CUBN: variants seen among roughly 807,000 people sequenced by gnomAD.
The protein encoded by CUBN is cubilin, also known as 460 kDa receptor.
Under a neutral mutation model 405.3 loss-of-function variants are expected in CUBN, and 282 were observed. The observed-to-expected ratio is 0.70, with a 90% CI of 0.63 to 0.77. The LOEUF (loss-of-function observed/expected upper bound fraction) is 0.77. CUBN is among the 30% of genes least tolerant of loss of function. The pLI is 0.00. For missense variants in CUBN, 4,514 were observed against 4,475.2 expected (o/e 1.01, Z -0.25); for synonymous variants, 1,684 against 1,617.0 (o/e 1.04, Z -0.99).
intron 48 of CUBN, among the ~76,000 whole-genome samples, chr10:16,909,173 C>T (rs1841650894): frequency 6.6e-6 from 1 of 152,160 alleles, no homozygotes; most frequent in Non-Finnish European, 1.5e-5. Flanking sequence ...GCGTGAGCCA[C>T]CGCGCCCGGC....
At chr10:16,884,183 C>T (rs569683365) in intron 56 of CUBN, among the ~76,000 whole-genome samples, 31 of 152,218 alleles carry the variant, frequency 2.0e-4, no homozygotes, top group African/African-American at 6.7e-4. Flanking sequence ...AAGGTTTCAC[C>T]GTGTTAGCCA....
At chr10:16,887,740 A>G (rs947375540) in intron 56 of CUBN, among the ~76,000 whole-genome samples, 1 of 152,228 alleles carries the variant, frequency 6.6e-6, no homozygotes, top group African/African-American at 2.4e-5. Flanking sequence ...TCCAAAGGAA[A>G]TCAAATCAGC....
At chr10:16,971,729 T>C (rs568429767) in intron 31 of CUBN, among the ~76,000 whole-genome samples, 36 of 152,252 alleles carry the variant, frequency 2.4e-4, no homozygotes, top group African/African-American at 7.5e-4. Context: ...AACATGATTT[T>C]CTCTACTGTT....
chr10:17,107,746 C>A (rs764405451), intron 10 of CUBN, among the ~76,000 whole-genome samples: 21 of 152,120 alleles, frequency 1.4e-4, no homozygotes, highest in Admixed American at 2.6e-4. Flanking sequence ...ATCCACCTGC[C>A]TCGACCTCCC....
chr10:17,123,324 A>T, intron 5 of CUBN: 1 of 536,054 alleles, frequency 1.9e-6, no homozygotes, highest in Non-Finnish European at 3.4e-6. Flanking sequence ...AACAATTTAA[A>T]TTAATGTTAA....
intron 44 of CUBN, among the ~76,000 whole-genome samples, chr10:16,919,550 C>T (rs908224950): frequency 1.3e-5 from 2 of 152,138 alleles, no homozygotes; most frequent in African/African-American, 2.4e-5. Flanking sequence ...AGTACTGTTC[C>T]GACAGTGCTG....
At chr10:17,088,023 A>G (rs1836162893) in intron 15 of CUBN, 141 bp downstream of exon 15, 1 of 665,284 alleles carries the variant, frequency 1.5e-6, no homozygotes, top group South Asian at 1.8e-5. Context: ...GAGACTTTGC[A>G]AGAGTTAGAT....
intron 6 of CUBN, among the ~76,000 whole-genome samples, chr10:17,121,618 G>C (rs955454886): frequency 6.6e-6 from 1 of 151,616 alleles, no homozygotes; most frequent in African/African-American, 2.4e-5. Flanking sequence ...AATGGATGCA[G>C]CACACCAACA....
At chr10:17,075,979 C>A (rs562363538) in intron 17 of CUBN, among the ~76,000 whole-genome samples, 1 of 152,160 alleles carries the variant, frequency 6.6e-6, no homozygotes, top group East Asian at 1.9e-4. Context: ...TTCTTGAAAA[C>A]TAGAAAGCAT....
At chr10:17,089,059 T>C (rs1035908253) in intron 14 of CUBN, among the ~76,000 whole-genome samples, 3 of 152,216 alleles carry the variant, frequency 2.0e-5, no homozygotes, top group Admixed American at 6.5e-5. Flanking sequence ...GAAATGCTAC[T>C]GTAAATCAAA....
chr10:17,069,874 T>A (rs1835699447), intron 19 of CUBN, among the ~76,000 whole-genome samples: 1 of 152,200 alleles, frequency 6.6e-6, no homozygotes, highest in South Asian at 2.1e-4. Flanking sequence ...AAGTTATTCG[T>A]TTTTAATTTT....
In CUBN at chr10:16,877,088, G is replaced by T; in HGVS notation, c.8915C>A (p.Ala2972Asp). 4.3e-6 allele frequency: 7 copies of T among 1,613,488 alleles called. No homozygotes were observed. The highest frequency in any genetic ancestry group is 1.7e-5 in the Admixed American group (1 of 59,922). Reference sequence around the variant, plus strand: ...ATCGTTGACACAGCTTCCCGTCACAGCGGAACGAGCTGGAAAAGGCATGGA... The same window carrying T: ...ATCGTTGACACAGCTTCCCGTCACATCGGAACGAGCTGGAAAAGGCATGGA... ...FVSFHLEARSAVTGSCVNDGV... is the reference protein window; with the variant it reads ...FVSFHLEARSDVTGSCVNDGV... The change falls in exon 57 of 67, where the codon GCT (alanine) becomes GAT (aspartate). Residue 2972 changes from alanine (A) to aspartate (D), a missense_variant. Transcript: ENST00000377833.
At chr10:17,127,975 A>C (rs1837238974) in intron 2 of CUBN, 51 bp from the exon 3 acceptor site, 2 of 1,230,430 alleles carry the variant, frequency 1.6e-6, no homozygotes. Flanking sequence ...AAAATATCAT[A>C]TTTATCTTTA....
rs564588139 is a variant in CUBN, at chr10:16,858,910, T to C, written c.9455-7467A>G. 5.3e-5 allele frequency among the ~76,000 whole-genome samples: 8 copies of C among 152,320 alleles called. No individual in the cohort carries two copies. In the South Asian group the frequency reaches 1.7e-3, roughly 32 times the overall value. On this transcript the variant is annotated intron_variant, in intron 59 of 66. Transcript: ENST00000377833. ...TTTTCAACCAATGGTGCTAGAGCAA[T>C]TGGACATCCAGAGGCAAAAAACTGA...
At chr10:16,979,860 A>C (rs1252898799) in intron 31 of CUBN, among the ~76,000 whole-genome samples, 1 of 152,246 alleles carries the variant, frequency 6.6e-6, no homozygotes, top group East Asian at 1.9e-4. Flanking sequence ...ATTAAACTAA[A>C]GAGCTTCTTC....
At chr10:17,110,147 T>C (rs1215180580) in intron 9 of CUBN, among the ~76,000 whole-genome samples, 1 of 152,194 alleles carries the variant, frequency 6.6e-6, no homozygotes, top group Non-Finnish European at 1.5e-5. Context: ...CCTGAACTTC[T>C]TGGGTAGTAA....
At chr10:17,058,582 A>C (rs1477511920) in intron 22 of CUBN, among the ~76,000 whole-genome samples, 1 of 152,166 alleles carries the variant, frequency 6.6e-6, no homozygotes, top group Non-Finnish European at 1.5e-5. Flanking sequence ...TGGTAGTTTT[A>C]TGAGATTCAA....
chr10:16,874,591 AT>A (rs2131374739), intron 57 of CUBN, 88 bp from the exon 58 acceptor site: 2 of 1,507,998 alleles, frequency 1.3e-6, no homozygotes, highest in Non-Finnish European at 1.8e-6. Flanking sequence ...ACTATTGTAC[AT>A]TTTTCCCTAA....
Position 17,068,781 on chromosome 10 carries a change from A to G in CUBN, c.2626-11T>C, listed in dbSNP as rs2131845748. The G allele has an allele frequency of 6.3e-7, 1 of 1,599,544 alleles. No individual in the cohort carries two copies. Among genetic ancestry groups the G allele is most frequent in the East Asian group, 2.2e-5 (1 of 44,682 alleles). On this transcript the variant is annotated splice_polypyrimidine_tract_variant and intron_variant, in intron 19 of 66. Coordinates refer to ENST00000377833, the MANE Select transcript of CUBN (RefSeq NM_001081.4). ...GGAACTGCTACCAATCTAAAATTAG[A>G]GAAGATATGTTCAAATATGTTGTAT...
Sources: allele counts gnomAD v4.1 joint callset (sites outside exome capture counted in the v4.1 genomes callset), GRCh38; gene constraint gnomAD v4.1.1; transcripts MANE v1.5; gene names NCBI Gene and HGNC (gene_info 2026-07-23, HGNC 2026-07-21).